Variants in SDK2 observed in about 807,000 individuals in gnomAD.
SDK2 encodes sidekick cell adhesion molecule 2, also known as protein sidekick-2.
In SDK2, 105 loss-of-function variants were observed where a neutral mutation model predicts 253.9. The observed-to-expected ratio is 0.41, with a 90% CI of 0.35 to 0.49. The LOEUF (loss-of-function observed/expected upper bound fraction) is 0.49. SDK2 is among the 20% of genes least tolerant of loss of function. The pLI, the probability that SDK2 is intolerant of heterozygous loss-of-function variation, is 0.06. For synonymous variants in SDK2, 1,249 were observed against 1,234.9 expected (o/e 1.01, Z -0.24); for missense variants, 2,608 against 3,003.0 (o/e 0.87, Z 3.07).
At chr17:73,628,723 G>A (rs1477370267) in intron 1 of SDK2, among the ~76,000 whole-genome samples, 1 of 152,234 alleles carries the variant, frequency 6.6e-6, no homozygotes, top group African/African-American at 2.4e-5. Context: ...CCCAAGGCTG[G>A]TCACTCCTCC....
intron 37 of SDK2, among the ~76,000 whole-genome samples, chr17:73,367,669 A>C (rs985021158): frequency 4.0e-5 from 6 of 151,360 alleles, no homozygotes; most frequent in African/African-American, 1.5e-4. Flanking sequence ...TGCCTGGATA[A>C]TTTTTTATAT....
At chr17:73,340,151 G>A (rs1436715734) in intron 44 of SDK2, among the ~76,000 whole-genome samples, 3 of 152,202 alleles carry the variant, frequency 2.0e-5, no homozygotes, top group African/African-American at 4.8e-5. Flanking sequence ...GGATTCAGGC[G>A]TGGGCCACCG....
chr17:73,390,136 G>A (rs1347810364), intron 29 of SDK2, 151 bp downstream of exon 29: 2 of 677,524 alleles, frequency 3.0e-6, no homozygotes, highest in Admixed American at 5.9e-5. Flanking sequence ...TAGACCCCTT[G>A]CTGACTTTGA....
intron 1 of SDK2, among the ~76,000 whole-genome samples, chr17:73,594,477 A>G (rs2045725671): frequency 6.6e-6 from 1 of 152,034 alleles, no homozygotes; most frequent in South Asian, 2.1e-4. Context: ...AGGAGATGGG[A>G]AGAGAGGGAG....
chr17:73,396,346 C>T (rs988927723), intron 24 of SDK2, among the ~76,000 whole-genome samples: 2 of 152,116 alleles, frequency 1.3e-5, no homozygotes, highest in Non-Finnish European at 2.9e-5. Context: ...GGCCTGGCCT[C>T]CACTACTCTG....
At chr17:73,549,545 T>G (rs2045021754) in intron 1 of SDK2, among the ~76,000 whole-genome samples, 1 of 152,114 alleles carries the variant, frequency 6.6e-6, no homozygotes, top group Non-Finnish European at 1.5e-5. Flanking sequence ...TGGTAAGGTG[T>G]CATGCTATGG....
At position 73,422,257 on chromosome 17, in the gene SDK2, G is replaced by A. The variant is rs1177441531; in HGVS notation, c.2045+30C>T. The A allele has an allele frequency of 1.1e-5, 17 of 1,609,226 alleles. 1 individual carries two copies. The highest frequency in any genetic ancestry group is 6.7e-5 in the East Asian group (3 of 44,766). ...AGCCCCTGCCTGTTGGAGTCCTGGC[G>A]ACGCCCCTGTAGAGCGCCAGTGCCC... On this transcript the variant is annotated intron_variant, in intron 15 of 44. Coordinates refer to ENST00000392650, the MANE Select transcript of SDK2 (RefSeq NM_001144952.2).
rs2063302486 is a variant in SDK2 at position 73,428,584 on chromosome 17, G to A, written c.1583+1927C>T. 2.6e-5 allele frequency among the ~76,000 whole-genome samples: 4 copies of A among 152,094 alleles called. No homozygotes were observed. In the South Asian group the frequency reaches 6.2e-4, roughly 24 times the overall value. On this transcript the variant is annotated intron_variant, in intron 12 of 44. Transcript: ENST00000392650. The stretch of plus-strand genomic sequence containing the variant: ...TTTCAAAGGCAAAAACCGCAGTTAC[G>A]TTTGCACCCACCTAATAGTCTGCTT...
At chr17:73,640,122 G>A (rs1227700890) in intron 1 of SDK2, among the ~76,000 whole-genome samples, 1 of 152,218 alleles carries the variant, frequency 6.6e-6, no homozygotes, top group Non-Finnish European at 1.5e-5. Flanking sequence ...TCGCTGTAAA[G>A]AATTTGGCCT....
chr17:73,466,729 G>A (rs1348528392), intron 3 of SDK2, among the ~76,000 whole-genome samples: 1 of 70,324 alleles, frequency 1.4e-5, no homozygotes, highest in African/African-American at 7.4e-5. Context: ...CCCCCCCCCG[G>A]CTTAGGCTCT....
chr17:73,599,193 G>A (rs1377548859), intron 1 of SDK2, among the ~76,000 whole-genome samples: 4 of 152,286 alleles, frequency 2.6e-5, no homozygotes, highest in Middle Eastern at 3.4e-3. Context: ...TAGTACATTC[G>A]TACAGAAGGA....
chr17:73,485,600 C>T (rs974907553), intron 2 of SDK2, among the ~76,000 whole-genome samples: 2 of 152,220 alleles, frequency 1.3e-5, no homozygotes, highest in Non-Finnish European at 1.5e-5. Flanking sequence ...GTCAAATCTA[C>T]AGCCACAGCC....
In SDK2 at chr17:73,496,736, C is replaced by T. The variant is rs1215559846; in HGVS notation, c.224+10702G>A. 6.6e-6 allele frequency among the ~76,000 whole-genome samples: 1 copy of T among 152,136 alleles called. No individual in the cohort carries two copies. Among genetic ancestry groups the T allele is most frequent in the Non-Finnish European group, 1.5e-5 (1 of 68,024 alleles). Reference sequence around the variant, plus strand: ...CTGGCTCAACCTGTCATGCCCCTTCCAGTCTCCAATTCTTGATTCCTACTT... The same window carrying T: ...CTGGCTCAACCTGTCATGCCCCTTCTAGTCTCCAATTCTTGATTCCTACTT... On this transcript the variant is annotated intron_variant, in intron 2 of 44. Coordinates refer to ENST00000392650, the MANE Select transcript of SDK2 (RefSeq NM_001144952.2). The surrounding 1 kb of genome is among the most constrained non-coding windows in gnomAD (Gnocchi z 4.7).
At chr17:73,475,826 G>A (rs1347358269) in intron 2 of SDK2, among the ~76,000 whole-genome samples, 1 of 152,180 alleles carries the variant, frequency 6.6e-6, no homozygotes, top group Admixed American at 6.6e-5. Context: ...AACCCTTAAT[G>A]TTTTACATCA....
rs1307437126 is a variant in SDK2 at position 73,379,981 on chromosome 17, CA to C, written c.4763-433del. Among the ~76,000 whole-genome samples the C allele has an allele frequency of 7.9e-4, 120 of 152,136 alleles. No homozygotes were observed. Among genetic ancestry groups the C allele is most frequent in the African/African-American group, 2.7e-3 (112 of 41,488 alleles). On this transcript the variant is annotated intron_variant, in intron 34 of 44. Transcript: ENST00000392650. This position sits in a 1 kb window ranked among gnomAD's most constrained non-coding sequence, Gnocchi z 4.5. ...CTCTTTACACAGCGGGGCTCAGCTC[CA>C]GGGGGGAGGGGCGCATTGGATGTGA...
intron 44 of SDK2, among the ~76,000 whole-genome samples, chr17:73,340,990 C>T (rs1212658905): frequency 6.6e-6 from 1 of 150,882 alleles, no homozygotes; most frequent in Admixed American, 6.6e-5. Context: ...GTGATCTGCC[C>T]ACCTCGGCGT....
chr17:73,400,157 G>C (rs1279411570), intron 21 of SDK2, among the ~76,000 whole-genome samples: 1 of 152,172 alleles, frequency 6.6e-6, no homozygotes, highest in African/African-American at 2.4e-5. Flanking sequence ...GGGACCACAT[G>C]GTTATCTGGT....
intron 3 of SDK2, among the ~76,000 whole-genome samples, chr17:73,468,510 TTTTTA>T (rs1748072511): frequency 6.6e-6 from 1 of 152,068 alleles, no homozygotes; most frequent in African/African-American, 2.4e-5. Context: ...AAGTCCACTC[TTTTTA>T]TTTTATTTAT....
chr17:73,378,258 C>G (rs2145463515), intron 36 of SDK2, among the ~76,000 whole-genome samples: 1 of 152,228 alleles, frequency 6.6e-6, no homozygotes, highest in Middle Eastern at 3.4e-3. Context: ...GCCACCACAC[C>G]TGGCTAATTT....
Sources: allele counts gnomAD v4.1 joint callset (sites outside exome capture counted in the v4.1 genomes callset), GRCh38; gene constraint gnomAD v4.1.1; non-coding constraint Gnocchi (gnomAD v3.1); transcripts MANE v1.5; gene names NCBI Gene and HGNC (gene_info 2026-07-23, HGNC 2026-07-21).